The following AK7 variants were observed in gnomAD, a reference collection of about 807,000 sequenced individuals.
AK7 encodes the protein ATP-AMP transphosphorylase 7.
In AK7, 78 loss-of-function variants were observed where a neutral mutation model predicts 96.6. The ratio of observed to expected loss-of-function variants is 0.81; its 90% CI spans 0.67 to 0.97. The LOEUF (loss-of-function observed/expected upper bound fraction) is 0.97. Ranked by LOEUF, AK7 falls within the 50% of genes least tolerant of loss-of-function variation. The pLI is 0.00. For missense variants in AK7, 855 were observed against 887.9 expected (o/e 0.96, Z 0.47); for synonymous variants, 302 against 317.2 (o/e 0.95, Z 0.51).
At chr14:96,472,617 G>A (rs192824216) in intron 13 of AK7, 70 bp from the exon 14 acceptor site, 2 of 1,238,706 alleles carry the variant, frequency 1.6e-6, no homozygotes, top group East Asian at 2.4e-5. Context: ...TAAGATATTT[G>A]GAATTTTTTG....
intron 6 of AK7, 94 bp from the exon 7 acceptor site, chr14:96,442,636 C>T (rs1338003067): frequency 1.1e-6 from 1 of 923,622 alleles, no homozygotes; most frequent in Non-Finnish European, 1.8e-6. Context: ...GATAGCTAGG[C>T]CTTTCAGTTG....
intron 7 of AK7, among the ~76,000 whole-genome samples, chr14:96,444,951 C>T (rs1893153322): frequency 6.6e-6 from 1 of 152,212 alleles, no homozygotes; most frequent in Admixed American, 6.5e-5. Flanking sequence ...CTCCTGATCT[C>T]AGGTGATCCA....
chr14:96,405,478 C>A lies in AK7; in HGVS notation c.403+613C>A, dbSNP rs559431377. ...GAGTTACAGGCGTGAGCCACAATGC[C>A]TTACCAAAACATTTAACTTTTAAAA... On this transcript the variant is annotated intron_variant, in intron 3 of 17. Transcript: ENST00000267584. Among the ~76,000 whole-genome samples the A allele has an allele frequency of 1.3e-4, 20 of 152,238 alleles. No individual in the cohort carries two copies. In the South Asian group the frequency reaches 3.7e-3, roughly 28 times the overall value.
Position 96,396,368 on chromosome 14 carries a change from G to A in AK7, c.106-1707G>A, listed in dbSNP as rs149623589. On this transcript the variant is annotated intron_variant, in intron 1 of 17. Transcript: ENST00000267584. ...AGAGAAATGGAAGCTGTGTCTCGTC[G>A]TTAGGCTTACAATCCAGTTGGGCAA... is the stretch of plus-strand genomic sequence containing the variant. 5.9e-3 allele frequency among the ~76,000 whole-genome samples: 897 copies of A among 152,302 alleles called. 7 individuals are homozygous for A. The highest frequency in any genetic ancestry group is 0.02 in the African/African-American group (824 of 41,564).
At position 96,414,058 on chromosome 14, in the gene AK7, T is replaced by C. The variant is rs574086758; in HGVS notation, c.498+5117T>C. Among the ~76,000 whole-genome samples the C allele has an allele frequency of 3.3e-5, 5 of 152,306 alleles. No homozygotes were observed. The South Asian group carries it at 8.3e-4, about 25-fold the overall frequency. On this transcript the variant is annotated intron_variant, in intron 4 of 17. Coordinates refer to ENST00000267584, the MANE Select transcript of AK7 (RefSeq NM_152327.5). ...GGATGTAACAAACCTACCCCCAAAA[T>C]GTAGAGTGGCTTACACATGGAGGAA...
At chr14:96,393,619 CTG>C (rs947155576) in intron 1 of AK7, among the ~76,000 whole-genome samples, 6 of 152,288 alleles carry the variant, frequency 3.9e-5, no homozygotes, top group Non-Finnish European at 8.8e-5. Context: ...CCCTGTGTCT[CTG>C]TGTCAAAACT....
intron 1 of AK7, among the ~76,000 whole-genome samples, chr14:96,394,945 C>T (rs770902222): frequency 1.3e-5 from 2 of 152,190 alleles, no homozygotes; most frequent in Non-Finnish European, 2.9e-5. Context: ...CACTGCACTC[C>T]AGCCTGGGCA....
intron 12 of AK7, among the ~76,000 whole-genome samples, chr14:96,463,260 C>T (rs893871666): frequency 6.6e-6 from 1 of 152,148 alleles, no homozygotes; most frequent in Non-Finnish European, 1.5e-5. Flanking sequence ...TGTTGAGACT[C>T]GCTGTTTCAC....
At chr14:96,421,273 A>G (rs1365449179) in intron 5 of AK7, 1 of 165,248 alleles carries the variant, frequency 6.1e-6, no homozygotes, top group African/African-American at 2.4e-5. Context: ...ACAACTCTGA[A>G]AAGTGCCTAT....
chr14:96,432,961 T>C (rs1892443099), intron 5 of AK7, among the ~76,000 whole-genome samples: 1 of 152,168 alleles, frequency 6.6e-6, no homozygotes, highest in African/African-American at 2.4e-5. Context: ...GCCACTGCAC[T>C]CCAGTCTGGG....
intron 2 of AK7, among the ~76,000 whole-genome samples, chr14:96,400,721 A>G (rs1890360600): frequency 6.6e-6 from 1 of 152,224 alleles, no homozygotes; most frequent in Admixed American, 6.5e-5. Flanking sequence ...CCTGGCAAGC[A>G]TCTCTTTGAG....
intron 12 of AK7, among the ~76,000 whole-genome samples, chr14:96,471,004 T>C (rs938994874): frequency 6.6e-6 from 1 of 152,162 alleles, no homozygotes; most frequent in Non-Finnish European, 1.5e-5. Flanking sequence ...TCTCCTACAT[T>C]ACTGTGCATT....
At chr14:96,410,246 C>G (rs533853389) in intron 4 of AK7, among the ~76,000 whole-genome samples, 1 of 152,154 alleles carries the variant, frequency 6.6e-6, no homozygotes, top group Non-Finnish European at 1.5e-5. Context: ...GCCATCACCT[C>G]AAGGAGCAGG....
intron 15 of AK7, among the ~76,000 whole-genome samples, chr14:96,480,077 C>T: frequency 6.6e-6 from 1 of 152,260 alleles, no homozygotes; most frequent in East Asian, 1.9e-4. Flanking sequence ...TGAAGGAGTT[C>T]AACAAGTGGT....
intron 12 of AK7, among the ~76,000 whole-genome samples, chr14:96,469,376 T>C (rs1203586919): frequency 6.6e-6 from 1 of 151,934 alleles, no homozygotes; most frequent in Non-Finnish European, 1.5e-5. Flanking sequence ...ACAAATAAAA[T>C]TAGCTGGGCG....
chr14:96,431,633 G>T (rs1311392430), intron 5 of AK7, among the ~76,000 whole-genome samples: 1 of 152,094 alleles, frequency 6.6e-6, no homozygotes, highest in Non-Finnish European at 1.5e-5. Context: ...AGTTTTTTGT[G>T]ATTTTTGTTC....
At chr14:96,411,017 T>C (rs1300403805) in intron 4 of AK7, among the ~76,000 whole-genome samples, 1 of 151,874 alleles carries the variant, frequency 6.6e-6, no homozygotes, top group East Asian at 1.9e-4. Context: ...ATAAATAAAT[T>C]TACTGTATTG....
chr14:96,487,608 T>C lies in AK7; in HGVS notation c.2133+552T>C, dbSNP rs971380050. On this transcript the variant is annotated intron_variant, in intron 17 of 17. Coordinates refer to ENST00000267584, the MANE Select transcript of AK7 (RefSeq NM_152327.5). ...CACCCCAGGCTAATTTTTGTATTTT[T>C]AGTAGAGACAGGGTTTCACCATGTT... Among the ~76,000 whole-genome samples, 6 of 151,352 alleles carry C rather than the reference T, an allele frequency of 4.0e-5. No individual in the cohort carries two copies. The East Asian group carries it at 1.2e-3, about 30-fold the overall frequency.
intron 10 of AK7, among the ~76,000 whole-genome samples, chr14:96,453,039 T>C (rs138036266): frequency 6.6e-5 from 10 of 152,142 alleles, no homozygotes. Context: ...ACCATAATTA[T>C]CACTGTTGGA....
Sources: allele counts gnomAD v4.1 joint callset (sites outside exome capture counted in the v4.1 genomes callset), GRCh38; gene constraint gnomAD v4.1.1; transcripts MANE v1.5; gene names NCBI Gene and HGNC (gene_info 2026-07-23, HGNC 2026-07-21).